Variants in OSMR observed in about 807,000 individuals in gnomAD.
OSMR encodes the protein oncostatin M receptor.
OSMR carries 81 observed loss-of-function variants against 99.9 expected under a neutral mutation model. The observed-to-expected ratio is 0.81, with a 90% CI of 0.68 to 0.97. The LOEUF is 0.97. Ranked by LOEUF, OSMR falls within the 50% of genes least tolerant of loss-of-function variation. OSMR has a pLI of 0.00. For missense variants in OSMR, 1,099 were observed against 1,153.4 expected, an observed-to-expected ratio of 0.95 and a Z score of 0.68; for synonymous variants, 406 against 410.4, an observed-to-expected ratio of 0.99 and a Z score of 0.13.
intron 9 of OSMR, among the ~76,000 whole-genome samples, chr5:38,905,259 G>A (rs1244308675): frequency 6.6e-6 from 1 of 152,120 alleles, no homozygotes; most frequent in East Asian, 1.9e-4. Context: ...GGGAGGCCGA[G>A]GAAGGTGGAT....
chr5:38,935,711 A>G (rs1252169599), downstream of OSMR: 1 of 152,220 alleles, frequency 6.6e-6, no homozygotes, highest in African/African-American at 2.4e-5. Context: ...ACATCACCTC[A>G]TGAACTTACT....
At chr5:38,854,463 G>T (rs1740693536) in intron 1 of OSMR, among the ~76,000 whole-genome samples, 2 of 152,134 alleles carry the variant, frequency 1.3e-5, no homozygotes, top group South Asian at 2.1e-4. Context: ...ATGAGATTTT[G>T]CAAAGAGACA....
chr5:38,945,502 C>A, downstream of OSMR: 1 of 1,608,864 alleles, frequency 6.2e-7, no homozygotes, highest in Non-Finnish European at 8.5e-7. Flanking sequence ...TGAATGACTA[C>A]ATATTGCACT....
chr5:38,877,659 A>T (rs1475725724), intron 3 of OSMR, among the ~76,000 whole-genome samples: 2 of 152,206 alleles, frequency 1.3e-5, no homozygotes, highest in African/African-American at 4.8e-5. Context: ...AGGATTATCT[A>T]CAAAAAGAAA....
At chr5:38,893,338 A>G (rs1265780544) in intron 7 of OSMR, among the ~76,000 whole-genome samples, 1 of 152,222 alleles carries the variant, frequency 6.6e-6, no homozygotes, top group Non-Finnish European at 1.5e-5. Flanking sequence ...CCTGAACCCA[A>G]ATGGAAACTC....
Position 38,917,628 on chromosome 5 carries a change from A to T in OSMR, c.1362+6A>T. ...CTGTGACCTTATTCTGGAAGGTAAG[A>T]TGTGCAGATTCCAAAAGTCTGATTG... On this transcript the variant is annotated splice_donor_region_variant and intron_variant, in intron 10 of 17. Coordinates refer to ENST00000274276, the MANE Select transcript of OSMR (RefSeq NM_003999.3). 6.2e-7 allele frequency: 1 copy of T among 1,607,742 alleles called. No individual in the cohort carries two copies. The highest frequency in any genetic ancestry group is 8.5e-7 in the Non-Finnish European group (1 of 1,174,418).
At chr5:38,944,263 A>C (rs574190505) in exon 2 of OSMR, 17 of 674,986 alleles carry the variant, frequency 2.5e-5, no homozygotes, top group Non-Finnish European at 3.8e-5. Context: ...TCTACATTCA[A>C]TCTGTTGCCA....
chr5:38,936,379 A>AATC (rs371593044), downstream of OSMR, among the ~76,000 whole-genome samples: 1 of 152,278 alleles, frequency 6.6e-6, no homozygotes, highest in Admixed American at 6.5e-5. Flanking sequence ...AAAAAAAATC[A>AATC]ATCAGGATAT....
chr5:38,886,028 T>C lies in OSMR; in HGVS notation c.840-11T>C, dbSNP rs755751086. On this transcript the variant is annotated splice_polypyrimidine_tract_variant and intron_variant, in intron 6 of 17. Coordinates refer to ENST00000274276, the MANE Select transcript of OSMR (RefSeq NM_003999.3). ...TCGTAATGGTTGTGTTATTTTGTTTTGTTTTTAAAGATTTTCTGGGGAAAA... is the reference window on the plus strand; with the variant it reads ...TCGTAATGGTTGTGTTATTTTGTTTCGTTTTTAAAGATTTTCTGGGGAAAA... 5.0e-6 allele frequency: 8 copies of C among 1,612,626 alleles called. No individual in the cohort carries two copies. Among genetic ancestry groups the C allele is most frequent in the Non-Finnish European group, 6.8e-6 (8 of 1,179,798 alleles).
intron 1 of OSMR, 150 bp from the exon 2 acceptor site, chr5:38,868,882 G>A: frequency 1.2e-6 from 1 of 845,680 alleles, no homozygotes; most frequent in Non-Finnish European, 1.8e-6. Context: ...ATTTTGGGGG[G>A]ACTCTAAAGT....
chr5:38,886,182 C>G lies in OSMR; in HGVS notation c.983C>G (p.Thr328Ser). ...AGTGTCAATATCCTTTTTAACCTGA[C>G]TCATCGAGGTGAGACTAGAGTTGTC... The part of the protein sequence containing the change: ...KRSVNILFNL[T>S]HRVYLMNPFS... Residue 328 changes from threonine to serine, a missense_variant, in exon 7 of 18, where the codon ACT becomes AGT. Thr to Ser is a moderately conservative substitution (Grantham distance 58). Transcript: ENST00000274276. 2 of 1,614,104 alleles carry G rather than the reference C, an allele frequency of 1.2e-6. No homozygotes were observed. Among genetic ancestry groups the G allele is most frequent in the East Asian group, 4.5e-5 (2 of 44,888 alleles).
chr5:38,916,658 A>G (rs1475953543), intron 9 of OSMR, among the ~76,000 whole-genome samples: 1 of 152,188 alleles, frequency 6.6e-6, no homozygotes, highest in Non-Finnish European at 1.5e-5. Flanking sequence ...ACCTTTCCTT[A>G]TGATAAGTTG....
At chr5:38,939,721 C>T (rs1747330290), downstream of OSMR, 1 of 229,212 alleles carries the variant, frequency 4.4e-6, no homozygotes, top group Non-Finnish European at 8.6e-6. Flanking sequence ...TTTATATGGA[C>T]TAAGATTAAT....
chr5:38,941,774 A>G, intron 1 of OSMR: 1 of 232,866 alleles, frequency 4.3e-6, no homozygotes, highest in East Asian at 6.1e-5. Flanking sequence ...TACAAACATT[A>G]AGAAAAACGT....
At chr5:38,883,391 A>C (rs761203119) in intron 4 of OSMR, among the ~76,000 whole-genome samples, 4 of 152,254 alleles carry the variant, frequency 2.6e-5, no homozygotes, top group African/African-American at 9.6e-5. Context: ...TGCCAGTCTG[A>C]ATGTGGCTTT....
chr5:38,863,770 ATAT>A (rs1741706591), intron 1 of OSMR, among the ~76,000 whole-genome samples: 1 of 152,190 alleles, frequency 6.6e-6, no homozygotes, highest in South Asian at 2.1e-4. Flanking sequence ...AAATCCCTAA[ATAT>A]TATTGTATTA....
chr5:38,940,283 A>G (rs767185557), downstream of OSMR: 12 of 231,764 alleles, frequency 5.2e-5, no homozygotes, highest in Non-Finnish European at 1.0e-4. Context: ...ATTACTGTTA[A>G]CTTTTGAGGG....
intron 12 of OSMR, 99 bp downstream of exon 12, chr5:38,921,893 C>A (rs1432274760): frequency 5.7e-6 from 6 of 1,050,332 alleles, no homozygotes; most frequent in Non-Finnish European, 8.9e-6. Flanking sequence ...CTGTGCTAAG[C>A]TAGTAATTTT....
intron 2 of OSMR, among the ~76,000 whole-genome samples, chr5:38,872,068 G>A (rs183258490): frequency 2.0e-5 from 3 of 152,230 alleles, no homozygotes; most frequent in East Asian, 3.9e-4. Context: ...CTGATTGTGC[G>A]GCTGTGGCAA....
Sources: gnomAD v4.1 joint callset for allele counts (sites outside exome capture counted in the v4.1 genomes callset) on GRCh38, gnomAD v4.1.1 for gene constraint, MANE v1.5 for transcripts, NCBI Gene and HGNC (gene_info 2026-07-23, HGNC 2026-07-21) for gene names.